CNTNAP4: variants seen among roughly 807,000 people sequenced by gnomAD.
CNTNAP4 encodes contactin associated protein family member 4, also known as contactin-associated protein-like 4.
Under a neutral mutation model 148.4 loss-of-function variants are expected in CNTNAP4, and 98 were observed. The observed-to-expected ratio is 0.66, with a 90% CI of 0.56 to 0.78. The LOEUF is 0.78. Among genes scored for constraint, CNTNAP4 ranks in the 30% least tolerant of loss-of-function variants. The pLI is 0.00. For synonymous variants in CNTNAP4, 730 were observed against 565.1 expected (o/e 1.29, Z -4.14); for missense variants, 1,935 against 1,565.6 (o/e 1.24, Z -3.98).
intron 3 of CNTNAP4, among the ~76,000 whole-genome samples, chr16:76,416,523 T>G (rs1024788770): frequency 6.6e-6 from 1 of 151,336 alleles, no homozygotes; most frequent in African/African-American, 2.4e-5. Flanking sequence ...TTAACTTGAA[T>G]TTTTTTCAGA....
chr16:76,441,411 A>T (rs1304821105), intron 4 of CNTNAP4, among the ~76,000 whole-genome samples: 7 of 152,282 alleles, frequency 4.6e-5, no homozygotes, highest in Middle Eastern at 3.4e-3. Context: ...GTATTTCTGA[A>T]TTGTGTAAAT....
chr16:76,394,012 C>G (rs763820003), intron 3 of CNTNAP4, among the ~76,000 whole-genome samples: 4 of 152,154 alleles, frequency 2.6e-5, no homozygotes, highest in Non-Finnish European at 2.9e-5. Flanking sequence ...GGATATGTGT[C>G]TTCATGGGGA....
rs777522394 is a variant in CNTNAP4, at chr16:76,448,939, T to C, written c.915T>C (p.Asn305=). 3.6e-5 allele frequency: 58 copies of C among 1,612,544 alleles called. No individual in the cohort carries two copies. The Admixed American group carries it at 9.5e-4, about 26-fold the overall frequency. ...CACGGGGAGAATTCAATCTCATGAA[T>C]CTTGATTATGAGGTGTGATGGTTAT... ...FHARGEFNLM[N]LDYEISFGGI... is the part of the protein sequence containing the mutation. Residue 305 remains asparagine, a synonymous_variant, in exon 6 of 24, where the codon AAT becomes AAC. Coordinates refer to ENST00000611870, the MANE Select transcript of CNTNAP4 (RefSeq NM_033401.5).
intron 3 of CNTNAP4, among the ~76,000 whole-genome samples, chr16:76,389,851 C>G (rs926611604): frequency 1.3e-5 from 2 of 152,094 alleles, no homozygotes; most frequent in African/African-American, 2.4e-5. Context: ...AATATGCTAC[C>G]AAAACCCACA....
intron 2 of CNTNAP4, among the ~76,000 whole-genome samples, chr16:76,349,178 A>G (rs1421637883): frequency 1.3e-5 from 2 of 152,040 alleles, no homozygotes; most frequent in Non-Finnish European, 2.9e-5. Context: ...TTTTGGCCTC[A>G]CTCAGACAGG....
intron 3 of CNTNAP4, among the ~76,000 whole-genome samples, chr16:76,371,841 A>G (rs2014858372): frequency 6.6e-6 from 1 of 152,184 alleles, no homozygotes; most frequent in African/African-American, 2.4e-5. Flanking sequence ...TCAGTTATCT[A>G]AGGCATGTCT....
chr16:76,489,680 T>C lies in CNTNAP4; in HGVS notation c.1883-6T>C, dbSNP rs756520279. On this transcript the variant is annotated splice_region_variant and splice_polypyrimidine_tract_variant and intron_variant, in intron 12 of 23. Transcript: ENST00000611870. ...CTCTCTTTCTCCCCCCATTTCTGCA[T>C]ACAAGAAACTGCATGGACCATCATA... The C allele has an allele frequency of 6.6e-7, 1 of 1,523,138 alleles. No individual in the cohort carries two copies. Among genetic ancestry groups the C allele is most frequent in the Admixed American group, 1.9e-5 (1 of 53,734 alleles). 94.4% of individuals were successfully genotyped at this position (1,523,138 alleles called of 1,614,324 possible).
At chr16:76,279,098 A>G (rs963602614) in intron 1 of CNTNAP4, among the ~76,000 whole-genome samples, 3 of 152,226 alleles carry the variant, frequency 2.0e-5, no homozygotes, top group South Asian at 2.1e-4. Context: ...ACATTGCATC[A>G]TACAAGCAAA....
intron 7 of CNTNAP4, among the ~76,000 whole-genome samples, chr16:76,451,599 A>ATATGTGTGTTTGTG (rs373330383): frequency 7.1e-6 from 1 of 141,258 alleles, no homozygotes; most frequent in South Asian, 2.4e-4. Context: ...TTTTAGATAG[A>ATATGTGTGTTTGTG]TGTGTGTGTG....
chr16:76,345,940 C>T (rs1964865943), intron 2 of CNTNAP4, among the ~76,000 whole-genome samples: 1 of 152,132 alleles, frequency 6.6e-6, no homozygotes, highest in African/African-American at 2.4e-5. Flanking sequence ...TCCCTTCTTG[C>T]CTGTGAAACA....
chr16:76,344,817 A>G (rs1964771022), intron 2 of CNTNAP4, among the ~76,000 whole-genome samples: 1 of 152,170 alleles, frequency 6.6e-6, no homozygotes, highest in South Asian at 2.1e-4. Context: ...CTAGGTAAAT[A>G]CTCAGATTTT....
At chr16:76,479,365 A>G in intron 11 of CNTNAP4, 54 bp from the exon 12 acceptor site, 1 of 1,461,344 alleles carries the variant, frequency 6.8e-7, no homozygotes, top group East Asian at 2.4e-5. Context: ...CCAAATTAAA[A>G]GTTAAGAGAT....
chr16:76,492,715 G>A (rs1453577823), intron 13 of CNTNAP4, among the ~76,000 whole-genome samples: 3 of 152,170 alleles, frequency 2.0e-5, no homozygotes, highest in Non-Finnish European at 4.4e-5. Flanking sequence ...GAGTTCCTCT[G>A]TACAAGCTAT....
intron 3 of CNTNAP4, among the ~76,000 whole-genome samples, chr16:76,364,544 A>G (rs909609527): frequency 1.3e-5 from 2 of 152,068 alleles, no homozygotes; most frequent in Non-Finnish European, 1.5e-5. Context: ...CAATGACAAC[A>G]TCACTCCCTT....
At chr16:76,283,131 A>T (rs2143755490) in intron 1 of CNTNAP4, among the ~76,000 whole-genome samples, 1 of 152,126 alleles carries the variant, frequency 6.6e-6, no homozygotes, top group Non-Finnish European at 1.5e-5. Flanking sequence ...AGGGATAATG[A>T]CATTGGCATT....
chr16:76,307,519 T>TATATATATATATA (rs1285947379), intron 1 of CNTNAP4, among the ~76,000 whole-genome samples: 1 of 125,826 alleles, frequency 7.9e-6, no homozygotes, highest in East Asian at 2.9e-4. Context: ...TATATATATA[T>TATATATATATATA]ATATATATAT....
intron 3 of CNTNAP4, among the ~76,000 whole-genome samples, chr16:76,419,727 A>G (rs4888502): frequency 0.42 from 63,760 of 151,748 alleles, 13,792 homozygotes; most frequent in African/African-American, 0.51. Context: ...GACTTAAACA[A>G]CAGACATTTA....
chr16:76,415,919 A>G (rs542259051), intron 3 of CNTNAP4, among the ~76,000 whole-genome samples: 1 of 96,008 alleles, frequency 1.0e-5, no homozygotes, highest in Non-Finnish European at 2.5e-5. Context: ...CATTGTATAG[A>G]TATACTGTTT....
chr16:76,476,733 A>T (rs935107986), intron 11 of CNTNAP4, among the ~76,000 whole-genome samples: 1 of 152,064 alleles, frequency 6.6e-6, no homozygotes, highest in African/African-American at 2.4e-5. Context: ...AGGGCACTAA[A>T]TCCCACTCAT....
Sources: allele counts gnomAD v4.1 joint callset (sites outside exome capture counted in the v4.1 genomes callset), GRCh38; gene constraint gnomAD v4.1.1; transcripts MANE v1.5; gene names NCBI Gene and HGNC (gene_info 2026-07-23, HGNC 2026-07-21).